Variants in SLC14A2 observed in about 807,000 individuals in gnomAD.
SLC14A2 encodes the protein solute carrier family 14 member 2.
A neutral mutation model predicts 104.6 loss-of-function variants in SLC14A2; 91 were observed. That is an observed-to-expected ratio of 0.87 (90% CI 0.73 to 1.04). The LOEUF is 1.04. Among genes scored for constraint, SLC14A2 ranks in the 50% least tolerant of loss-of-function variants. The pLI, the probability that SLC14A2 is intolerant of heterozygous loss-of-function variation, is 0.00. For synonymous variants in SLC14A2, 476 were observed against 466.4 expected, an observed-to-expected ratio of 1.02 and a Z score of -0.27; for missense variants, 1,189 against 1,156.0, an observed-to-expected ratio of 1.03 and a Z score of -0.41.
intron 1 of SLC14A2, among the ~76,000 whole-genome samples, chr18:45,310,848 G>A (rs965810509): frequency 6.6e-6 from 1 of 152,196 alleles, no homozygotes; most frequent in African/African-American, 2.4e-5. Flanking sequence ...CAGGCCAAAT[G>A]CCAGCGGGGT....
intron 1 of SLC14A2, among the ~76,000 whole-genome samples, chr18:45,353,021 TG>T (rs1453455435): frequency 2.0e-5 from 3 of 152,220 alleles, no homozygotes; most frequent in African/African-American, 7.2e-5. Flanking sequence ...GGTTGGCCTT[TG>T]TTTCATTTGA....
At chr18:45,546,992 G>A (rs1256742596) in intron 2 of SLC14A2, among the ~76,000 whole-genome samples, 1 of 151,976 alleles carries the variant, frequency 6.6e-6, no homozygotes. Context: ...CTCAACCCAG[G>A]GACTAATCTA....
intron 1 of SLC14A2, among the ~76,000 whole-genome samples, chr18:45,335,237 T>C (rs1410249659): frequency 6.6e-6 from 1 of 152,210 alleles, no homozygotes; most frequent in Non-Finnish European, 1.5e-5. Flanking sequence ...AACAGATGAC[T>C]TTGCCCTTGC....
At chr18:45,652,616 C>T (rs150639703) in intron 10 of SLC14A2, among the ~76,000 whole-genome samples, 20 of 152,264 alleles carry the variant, frequency 1.3e-4, no homozygotes, top group African/African-American at 4.3e-4. Flanking sequence ...AAGTTGAAAA[C>T]GTAGAATTGA....
intron 1 of SLC14A2, among the ~76,000 whole-genome samples, chr18:45,283,962 A>C (rs578076352): frequency 6.6e-6 from 1 of 152,374 alleles, no homozygotes; most frequent in African/African-American, 2.4e-5. Context: ...AGTATGAAAA[A>C]AATGGAAAAG....
chr18:45,336,333 T>C (rs2085337588), intron 1 of SLC14A2, among the ~76,000 whole-genome samples: 3 of 152,040 alleles, frequency 2.0e-5, no homozygotes. Context: ...GATAGACCCT[T>C]GAGAAAAGGA....
intron 1 of SLC14A2, among the ~76,000 whole-genome samples, chr18:45,268,555 T>C (rs1352320020): frequency 6.6e-6 from 1 of 152,240 alleles, no homozygotes; most frequent in Non-Finnish European, 1.5e-5. Context: ...TTTTCCCCCT[T>C]TGTCCTGGTG....
chr18:45,360,848 A>T (rs1238884305), intron 1 of SLC14A2, among the ~76,000 whole-genome samples: 1 of 152,224 alleles, frequency 6.6e-6, no homozygotes, highest in Non-Finnish European at 1.5e-5. Context: ...GCTCTGAAGA[A>T]GAAGGGGAGA....
chr18:45,515,684 A>T (rs996356227), intron 2 of SLC14A2: 1 of 152,274 alleles, frequency 6.6e-6, no homozygotes, highest in Non-Finnish European at 1.5e-5. Flanking sequence ...CCCAGCCAAC[A>T]CTCGGGCAAC....
At chr18:45,270,613 G>T (rs2084641937) in intron 1 of SLC14A2, among the ~76,000 whole-genome samples, 1 of 152,132 alleles carries the variant, frequency 6.6e-6, no homozygotes. Context: ...GCAATAAGCT[G>T]TTAGCTTGTG....
the SLC14A2 span, among the ~76,000 whole-genome samples, chr18:45,191,701 C>T: frequency 1.9e-4 from 29 of 152,250 alleles, no homozygotes; most frequent in African/African-American, 7.0e-4. Context: ...AACACTGAGA[C>T]CCTGGGAGCT....
intron 1 of SLC14A2, among the ~76,000 whole-genome samples, chr18:45,232,819 A>G (rs947592058): frequency 6.6e-6 from 1 of 152,244 alleles, no homozygotes; most frequent in Non-Finnish European, 1.5e-5. Flanking sequence ...TTATAGGCCC[A>G]TTTTGAGGCA....
intron 2 of SLC14A2, among the ~76,000 whole-genome samples, chr18:45,492,867 T>C (rs778697669): frequency 3.3e-5 from 5 of 152,220 alleles, no homozygotes; most frequent in Non-Finnish European, 5.9e-5. Context: ...TTTCTCACCT[T>C]GTTCATTGCT....
the SLC14A2 span, among the ~76,000 whole-genome samples, chr18:45,193,096 TTTA>T: frequency 1.2e-4 from 19 of 152,368 alleles, 1 homozygote; most frequent in Non-Finnish European, 1.0e-4. Flanking sequence ...AGTTGATTAT[TTTA>T]TTATGTTTTG....
At chr18:45,640,755 C>T (rs187797848) in intron 7 of SLC14A2, among the ~76,000 whole-genome samples, 2 of 152,268 alleles carry the variant, frequency 1.3e-5, no homozygotes, top group East Asian at 3.9e-4. Context: ...CAGATGTACC[C>T]ACTGTTCACA....
intron 2 of SLC14A2, among the ~76,000 whole-genome samples, chr18:45,581,103 T>A (rs2044484688): frequency 6.6e-6 from 1 of 152,230 alleles, no homozygotes; most frequent in Non-Finnish European, 1.5e-5. Flanking sequence ...AATTGTCATC[T>A]TCTCTCACTG....
Position 45,540,247 on chromosome 18 carries a change from C to G in SLC14A2, c.-35+56925C>G, listed in dbSNP as rs999105693. ...CATTTGGACTCTCCTTCCTGGCCCC[C>G]TTGCCCAGCCACATCCTGTTCCTCG... On this transcript the variant is annotated intron_variant, in intron 2 of 20. Transcript: ENST00000586448. Among the ~76,000 whole-genome samples the G allele has an allele frequency of 4.6e-5, 7 of 152,268 alleles. No homozygotes were observed. In the East Asian group the frequency reaches 1.4e-3, roughly 29 times the overall value.
At chr18:45,485,432 G>A (rs941681625) in intron 2 of SLC14A2, 3 of 152,162 alleles carry the variant, frequency 2.0e-5, no homozygotes, top group Admixed American at 6.5e-5. Flanking sequence ...AGGCTGGTCA[G>A]CCTAATTGCA....
intron 1 of SLC14A2, among the ~76,000 whole-genome samples, chr18:45,387,781 C>A (rs1423244476): frequency 6.6e-6 from 1 of 152,030 alleles, no homozygotes; most frequent in Non-Finnish European, 1.5e-5. Context: ...GGATTATTTG[C>A]CTTCAGGAAA....
Sources: gnomAD v4.1 joint callset for allele counts (sites outside exome capture counted in the v4.1 genomes callset) on GRCh38, gnomAD v4.1.1 for gene constraint, MANE v1.5 for transcripts, NCBI Gene and HGNC (gene_info 2026-07-23, HGNC 2026-07-21) for gene names.